Variants in CCNJ observed in about 807,000 individuals in gnomAD.
CCNJ encodes the protein cyclin-J.
CCNJ carries 12 observed loss-of-function variants against 41.4 expected under a neutral mutation model. That is an observed-to-expected ratio of 0.29 (90% CI 0.19 to 0.47). The LOEUF (loss-of-function observed/expected upper bound fraction) is 0.47. Among genes scored for constraint, CCNJ ranks in the 20% least tolerant of loss-of-function variants. The pLI is 1.00. For synonymous variants in CCNJ, 161 were observed against 173.4 expected, an observed-to-expected ratio of 0.93 and a Z score of 0.56; for missense variants, 340 against 464.6, an observed-to-expected ratio of 0.73 and a Z score of 2.47.
chr10:96,050,147 GTT>G (rs2080483094), intron 2 of CCNJ, 107 bp from the exon 3 acceptor site: 1 of 763,684 alleles, frequency 1.3e-6, no homozygotes, highest in African/African-American at 1.7e-5. Context: ...AGAAAAGTAT[GTT>G]TTAGGCACTT....
In CCNJ at chr10:96,057,856, C is replaced by G; in HGVS notation, c.767C>G (p.Ala256Gly). Residue 256 changes from alanine (A) to glycine (G), a missense_variant, in exon 6 of 6, where the codon GCA becomes GGA. Transcript: ENST00000465148. Reference protein sequence around the residue: ...LIAHDNDVKEANKQRGQAGPQ... With the variant: ...LIAHDNDVKEGNKQRGQAGPQ... Reference sequence around the variant, plus strand: ...GCTCATGATAATGATGTGAAAGAAGCAAACAAACAGAGAGGGCAAGCAGGA... The same window carrying G: ...GCTCATGATAATGATGTGAAAGAAGGAAACAAACAGAGAGGGCAAGCAGGA... 6.2e-7 allele frequency: 1 copy of G among 1,613,946 alleles called. No individual in the cohort carries two copies. Among genetic ancestry groups the G allele is most frequent in the Non-Finnish European group, 8.5e-7 (1 of 1,179,926 alleles).
At position 96,056,099 on chromosome 10, in the gene CCNJ, A is replaced by G. The variant is rs547575684; in HGVS notation, c.281-602A>G. ...CCGAGGCAGGCAGATCACAAGGTCA[A>G]GAGATCAAGACCATCCTGGCTAACA... On this transcript the variant is annotated intron_variant, in intron 3 of 5. Coordinates refer to ENST00000465148, the MANE Select transcript of CCNJ (RefSeq NM_001134375.2). 9.2e-5 allele frequency among the ~76,000 whole-genome samples: 14 copies of G among 152,284 alleles called. No individual in the cohort carries two copies. The East Asian group carries it at 2.5e-3, about 27-fold the overall frequency.
At position 96,056,994 on chromosome 10, in the gene CCNJ, T is replaced by C; in HGVS notation, c.574T>C (p.Leu192=). ...TGCAGATTACTTCCTGGAAGTATCT[T>C]TGCAAGGTGGGTTGTTGTGAATACC... The part of the protein sequence containing the change: ...KYADYFLEVS[L]QDYAFLNYAP... Residue 192 remains leucine, a synonymous_variant, in exon 4 of 6, where the codon TTG becomes CTG. Transcript: ENST00000465148. 1 of 1,613,572 alleles carries C rather than the reference T, an allele frequency of 6.2e-7. No individual in the cohort carries two copies. The highest frequency in any genetic ancestry group is 8.5e-7 in the Non-Finnish European group (1 of 1,179,580).
At chr10:96,044,703 C>A (rs2080312618) in intron 2 of CCNJ, among the ~76,000 whole-genome samples, 1 of 152,180 alleles carries the variant, frequency 6.6e-6, no homozygotes, top group Non-Finnish European at 1.5e-5. Flanking sequence ...TGGAAAGGGG[C>A]GTTCTGGCTT....
Position 96,060,341 on chromosome 10 carries a change from T to G in CCNJ, c.*2100T>G, listed in dbSNP as rs1469598144. 6.6e-6 allele frequency: 1 copy of G among 152,580 alleles called. No individual in the cohort carries two copies. The highest frequency in any genetic ancestry group is 1.9e-4 in the East Asian group (1 of 5,200). 9.5% of individuals were successfully genotyped at this position (152,580 alleles called of 1,614,324 possible). On this transcript the variant is annotated 3_prime_UTR_variant, in exon 6 of 6. Transcript: ENST00000465148. ...TGATTGGTTTATATGCCATTCTTGT[T>G]ATAGAAGAATATGCCTTTTAAAAAA...
chr10:96,057,126 G>C lies in CCNJ; in HGVS notation c.619G>C (p.Ala207Pro). The C allele has an allele frequency of 6.2e-7, 1 of 1,614,170 alleles. No individual in the cohort carries two copies. Among genetic ancestry groups the C allele is most frequent in the Non-Finnish European group, 8.5e-7 (1 of 1,180,000 alleles). The stretch of plus-strand genomic sequence containing the variant: ...AAATTATGCACCTTCTTTAGTAGCT[G>C]CTGCATGTGTGGCTTCTTCGAGGAT... The part of the protein sequence containing the change: ...FLNYAPSLVA[A>P]ACVASSRIIL... The change falls in exon 5 of 6, where the codon GCT becomes CCT. Residue 207 changes from alanine (A) to proline (P), a missense_variant. By Grantham distance (27) the Ala-to-Pro change is conservative (BLOSUM62 -1). Around this residue, in one of 3 missense-constraint regions of CCNJ, gnomAD observed 137 missense variants for 252.9 expected, o/e 0.54. Transcript: ENST00000465148.
At chr10:96,044,059 CTT>C (rs2080289710) in intron 1 of CCNJ, among the ~76,000 whole-genome samples, 1 of 152,212 alleles carries the variant, frequency 6.6e-6, no homozygotes. Context: ...TCCCCCAGCT[CTT>C]CCCGAGCTCG....
intron 3 of CCNJ, among the ~76,000 whole-genome samples, chr10:96,050,991 C>A (rs989964822): frequency 3.3e-5 from 5 of 152,316 alleles, no homozygotes; most frequent in Admixed American, 6.5e-5. Context: ...TAACAAAATT[C>A]TCTGTCCCAA....
intron 3 of CCNJ, among the ~76,000 whole-genome samples, chr10:96,052,553 C>T (rs1254721301): frequency 2.0e-5 from 3 of 152,118 alleles, no homozygotes; most frequent in African/African-American, 7.2e-5. Flanking sequence ...ATGGAGTTTT[C>T]AATTGTTCTT....
In CCNJ at chr10:96,057,678, G is replaced by A. The variant is rs1456352718; in HGVS notation, c.741-152G>A. On this transcript the variant is annotated intron_variant, in intron 5 of 5. Transcript: ENST00000465148. Reference sequence around the variant, plus strand: ...GAAATAGCTTTAGAAGAACACAAGCGAGGTCTCACTGTTGTTGGAATTATG... The same window carrying A: ...GAAATAGCTTTAGAAGAACACAAGCAAGGTCTCACTGTTGTTGGAATTATG... The A allele has an allele frequency of 4.4e-5, 29 of 662,208 alleles. 1 individual carries two copies. The highest frequency in any genetic ancestry group is 4.0e-4 in the Admixed American group (14 of 34,598). 41.0% of individuals were successfully genotyped at this position (662,208 alleles called of 1,614,324 possible).
intron 3 of CCNJ, among the ~76,000 whole-genome samples, chr10:96,055,439 TTGA>T (rs2080655216): frequency 6.6e-6 from 1 of 152,246 alleles, no homozygotes; most frequent in African/African-American, 2.4e-5. Flanking sequence ...CCAAAGAGGC[TTGA>T]TGACAACTCT....
chr10:96,049,837 G>T (rs1009483895), intron 2 of CCNJ, among the ~76,000 whole-genome samples: 9 of 152,126 alleles, frequency 5.9e-5, no homozygotes, highest in African/African-American at 1.2e-4. Context: ...AATACTGTAT[G>T]CAGCATATCC....
chr10:96,043,649 T>G lies in CCNJ; in HGVS notation c.-112T>G, dbSNP rs2080274038. ...GAGGCCGGCGCTTAGCGGCCCACTG[T>G]CCGCAGCATGAGCGGGGCCGGCGTC... On this transcript the variant is annotated 5_prime_UTR_variant, in exon 1 of 6. Coordinates refer to ENST00000465148, the MANE Select transcript of CCNJ (RefSeq NM_001134375.2). 2.5e-6 allele frequency: 1 copy of G among 394,650 alleles called. No homozygotes were observed. Among genetic ancestry groups the G allele is most frequent in the Admixed American group, 4.4e-5 (1 of 22,572 alleles). The allele number at this position is 394,650 out of a possible 1,614,324, so 24.4% of individuals were successfully genotyped here.
intron 3 of CCNJ, among the ~76,000 whole-genome samples, chr10:96,051,641 T>G (rs1324593309): frequency 1.3e-5 from 2 of 152,186 alleles, no homozygotes; most frequent in African/African-American, 4.8e-5. Context: ...ATAAGGAACA[T>G]TCCCCCTATA....
In CCNJ at chr10:96,050,481, G is replaced by A. The variant is rs1288091960; in HGVS notation, c.280+15G>A. 1.3e-6 allele frequency: 2 copies of A among 1,579,226 alleles called. No individual in the cohort carries two copies. Among genetic ancestry groups the A allele is most frequent in the African/African-American group, 2.7e-5 (2 of 74,154 alleles). ...GCTTCTAGCAAGTAAGTATGAATCT[G>A]ATTTACATGACTGGAAATTTCTGAT... On this transcript the variant is annotated intron_variant, in intron 3 of 5. Transcript: ENST00000465148.
chr10:96,043,622 C>G lies in CCNJ; in HGVS notation c.-139C>G, dbSNP rs1223035075. 2.5e-6 allele frequency: 1 copy of G among 395,096 alleles called. No homozygotes were observed. The highest frequency in any genetic ancestry group is 4.5e-6 in the Non-Finnish European group (1 of 223,770). The allele number at this position is 395,096 out of a possible 1,614,324, so 24.5% of individuals were successfully genotyped here. On this transcript the variant is annotated 5_prime_UTR_variant, in exon 1 of 6. Coordinates refer to ENST00000465148, the MANE Select transcript of CCNJ (RefSeq NM_001134375.2). ...CGAGCGTCCAGGCGCTGGGCTCTAG[C>G]TGAGGCCGGCGCTTAGCGGCCCACT...
chr10:96,057,833 T>A lies in CCNJ; in HGVS notation c.744T>A (p.Ala248=), dbSNP rs755592573. 1.2e-6 allele frequency: 2 copies of A among 1,612,980 alleles called. No homozygotes were observed. Among genetic ancestry groups the A allele is most frequent in the South Asian group, 2.2e-5 (2 of 90,992 alleles). ...TTCCTTTCTCTCCACGTTTCAGCGCTCATGATAATGATGTGAAAGAAGCAA... is the reference window on the plus strand; with the variant it reads ...TTCCTTTCTCTCCACGTTTCAGCGCACATGATAATGATGTGAAAGAAGCAA... ...LVQCIERLLI[A]HDNDVKEANK... is the part of the protein sequence containing the mutation. The change falls in exon 6 of 6, where the codon GCT becomes GCA. Residue 248 remains alanine (A), a synonymous_variant. Transcript: ENST00000465148.
chr10:96,055,671 T>G (rs1355764061), intron 3 of CCNJ, among the ~76,000 whole-genome samples: 1 of 152,230 alleles, frequency 6.6e-6, no homozygotes, highest in African/African-American at 2.4e-5. Context: ...AGCTGAAACC[T>G]TATAGATGGG....
At chr10:96,057,023 A>G in intron 4 of CCNJ, 23 bp downstream of exon 4, 1 of 1,612,546 alleles carries the variant, frequency 6.2e-7, no homozygotes, top group Non-Finnish European at 8.5e-7. Flanking sequence ...GAATACCAGT[A>G]AGTGACTTGT....
Sources: allele counts gnomAD v4.1 joint callset (sites outside exome capture counted in the v4.1 genomes callset), GRCh38; gene constraint gnomAD v4.1.1; regional missense constraint gnomAD v4.1.1; transcripts MANE v1.5; gene names NCBI Gene and HGNC (gene_info 2026-07-23, HGNC 2026-07-21).